Variants in MAPKAP1 observed in about 807,000 individuals in gnomAD.
MAPKAP1 encodes the protein target of rapamycin complex 2 subunit MAPKAP1.
Under a neutral mutation model 65.7 loss-of-function variants are expected in MAPKAP1, and 20 were observed. That is an observed-to-expected ratio of 0.30 (90% CI 0.21 to 0.44). The LOEUF is 0.44. Ranked by LOEUF, MAPKAP1 falls within the 20% of genes least tolerant of loss-of-function variation. The pLI, the probability that MAPKAP1 is intolerant of heterozygous loss-of-function variation, is 1.00. For missense variants in MAPKAP1, 423 were observed against 648.0 expected, an observed-to-expected ratio of 0.65 and a Z score of 3.77; for synonymous variants, 222 against 244.3, an observed-to-expected ratio of 0.91 and a Z score of 0.85.
chr9:125,579,335 A>T (rs972215996), intron 5 of MAPKAP1, among the ~76,000 whole-genome samples: 5 of 152,236 alleles, frequency 3.3e-5, no homozygotes, highest in African/African-American at 1.2e-4. Context: ...CTTGTTGCCC[A>T]GGCTGGAGTG....
chr9:125,687,717 C>G (rs190969982), intron 1 of MAPKAP1, among the ~76,000 whole-genome samples: 1 of 151,944 alleles, frequency 6.6e-6, no homozygotes, highest in Admixed American at 6.6e-5. Context: ...CCCAGGAGTT[C>G]AAGGTTACAG....
intron 7 of MAPKAP1, among the ~76,000 whole-genome samples, chr9:125,527,313 A>G (rs947736779): frequency 5.3e-5 from 8 of 151,450 alleles, no homozygotes; most frequent in African/African-American, 1.9e-4. Flanking sequence ...TGATCCACCC[A>G]CCTTGGCCTC....
In MAPKAP1 at chr9:125,447,844, C is replaced by G. The variant is rs1191378797; in HGVS notation, c.1346-3246G>C. Among the ~76,000 whole-genome samples, 4 of 152,088 alleles carry G rather than the reference C, an allele frequency of 2.6e-5. No individual in the cohort carries two copies. Among genetic ancestry groups the G allele is most frequent in the African/African-American group, 7.2e-5 (3 of 41,410 alleles). ...GTTTTGGAGGAGGGCAGGGAGTCAGCTGGGTAAAGGTGAGGGTGGAGAAGG... is the reference window on the plus strand; with the variant it reads ...GTTTTGGAGGAGGGCAGGGAGTCAGGTGGGTAAAGGTGAGGGTGGAGAAGG... On this transcript the variant is annotated intron_variant, in intron 10 of 11. Coordinates refer to ENST00000265960, the MANE Select transcript of MAPKAP1 (RefSeq NM_001006617.3). The surrounding 1 kb of genome is among the most constrained non-coding windows in gnomAD (Gnocchi z 4.5).
chr9:125,702,180 T>C (rs1392742996), intron 1 of MAPKAP1, among the ~76,000 whole-genome samples: 1 of 152,186 alleles, frequency 6.6e-6, no homozygotes. Context: ...GAGTATCATT[T>C]GAAGGCAGGA....
chr9:125,617,015 CTTAATATGCATG>C (rs1832765319), intron 4 of MAPKAP1, among the ~76,000 whole-genome samples: 1 of 152,094 alleles, frequency 6.6e-6, no homozygotes, highest in Admixed American at 6.5e-5. Context: ...TATATGTGCA[CTTAATATGCATG>C]TTATGTGTTT....
chr9:125,671,598 A>G (rs1403429523), intron 2 of MAPKAP1, among the ~76,000 whole-genome samples: 1 of 152,206 alleles, frequency 6.6e-6, no homozygotes, highest in Non-Finnish European at 1.5e-5. Flanking sequence ...AGTAAAAAAA[A>G]AAGTCCTTGG....
At chr9:125,656,568 TAA>T (rs1465223453) in intron 4 of MAPKAP1, among the ~76,000 whole-genome samples, 2 of 151,486 alleles carry the variant, frequency 1.3e-5, no homozygotes, top group South Asian at 2.1e-4. Flanking sequence ...TTGTAGGAAG[TAA>T]AAGTCTTTCG....
chr9:125,668,067 G>C (rs1043055097), intron 3 of MAPKAP1, among the ~76,000 whole-genome samples: 1 of 152,092 alleles, frequency 6.6e-6, no homozygotes, highest in Non-Finnish European at 1.5e-5. Context: ...CAAGTAATTG[G>C]GACTTCTGGT....
chr9:125,643,896 C>T (rs1203125875), intron 4 of MAPKAP1, among the ~76,000 whole-genome samples: 14 of 152,138 alleles, frequency 9.2e-5, no homozygotes, highest in Admixed American at 9.2e-4. Flanking sequence ...CAATTCTATA[C>T]TATTGTTGTT....
intron 2 of MAPKAP1, among the ~76,000 whole-genome samples, chr9:125,670,582 C>G (rs1834468245): frequency 6.6e-6 from 1 of 152,098 alleles, no homozygotes. Flanking sequence ...ACTAAGACAA[C>G]CTACAATCTC....
chr9:125,464,578 A>G (rs1039079985), intron 10 of MAPKAP1, among the ~76,000 whole-genome samples: 6 of 152,206 alleles, frequency 3.9e-5, no homozygotes, highest in Admixed American at 2.0e-4. Flanking sequence ...TTTTTTAGGC[A>G]TGTATCTATT....
intron 5 of MAPKAP1, among the ~76,000 whole-genome samples, chr9:125,580,508 G>A (rs564680938): frequency 3.4e-4 from 48 of 140,860 alleles, no homozygotes; most frequent in South Asian, 1.5e-3. Flanking sequence ...GACACAGGGC[G>A]GGGAACATCA....
chr9:125,469,377 C>T (rs1271875286), intron 9 of MAPKAP1, among the ~76,000 whole-genome samples: 1 of 152,104 alleles, frequency 6.6e-6, no homozygotes, highest in African/African-American at 2.4e-5. Context: ...CACACACACA[C>T]CCCAAACACA....
At chr9:125,688,120 C>T (rs1041944676) in intron 1 of MAPKAP1, among the ~76,000 whole-genome samples, 6 of 152,056 alleles carry the variant, frequency 3.9e-5, no homozygotes, top group African/African-American at 7.2e-5. Flanking sequence ...TTTCTCAGAA[C>T]CTTCTAGACT....
At chr9:125,608,952 T>G (rs1017184725) in intron 4 of MAPKAP1, among the ~76,000 whole-genome samples, 2 of 152,182 alleles carry the variant, frequency 1.3e-5, no homozygotes, top group African/African-American at 4.8e-5. Flanking sequence ...TGGAGGTGGG[T>G]TACACAATTC....
chr9:125,449,927 GCT>G (rs1433243383), intron 10 of MAPKAP1, among the ~76,000 whole-genome samples: 1 of 151,836 alleles, frequency 6.6e-6, no homozygotes, highest in Non-Finnish European at 1.5e-5. Flanking sequence ...TTCAATTTTT[GCT>G]CTTTTTTTTT....
At chr9:125,484,207 A>C (rs1854414565) in intron 9 of MAPKAP1, among the ~76,000 whole-genome samples, 1 of 152,232 alleles carries the variant, frequency 6.6e-6, no homozygotes, top group Non-Finnish European at 1.5e-5. Context: ...AATCAGTTTG[A>C]AAAGAGTCTC....
At chr9:125,539,276 T>C (rs1012371169) in intron 7 of MAPKAP1, among the ~76,000 whole-genome samples, 1 of 152,234 alleles carries the variant, frequency 6.6e-6, no homozygotes, top group Admixed American at 6.5e-5. Flanking sequence ...TTGTCTTTCA[T>C]ATCAAAAGAA....
chr9:125,456,068 T>G (rs1853150982), intron 10 of MAPKAP1, among the ~76,000 whole-genome samples: 1 of 152,264 alleles, frequency 6.6e-6, no homozygotes, highest in Non-Finnish European at 1.5e-5. Context: ...GAGGCATCAT[T>G]CCATTGTCTT....
Sources: allele counts gnomAD v4.1 joint callset (sites outside exome capture counted in the v4.1 genomes callset), GRCh38; gene constraint gnomAD v4.1.1; non-coding constraint Gnocchi (gnomAD v3.1); transcripts MANE v1.5; gene names NCBI Gene and HGNC (gene_info 2026-07-23, HGNC 2026-07-21).